Variants in MIGA1 observed in about 807,000 individuals in gnomAD.
MIGA1 encodes the protein mitoguardin 1.
In MIGA1, 58 loss-of-function variants were observed where a neutral mutation model predicts 82.0. The observed-to-expected ratio is 0.71, with a 90% CI of 0.57 to 0.88. The LOEUF (loss-of-function observed/expected upper bound fraction) is 0.88. Among genes scored for constraint, MIGA1 ranks in the 40% least tolerant of loss-of-function variants. The probability of loss-of-function intolerance (pLI) is 0.00; values close to 1 mark genes in which losing one functional copy is unlikely to be tolerated. For missense variants in MIGA1, 751 were observed against 749.1 expected, an observed-to-expected ratio of 1.00 and a Z score of -0.03; for synonymous variants, 249 against 253.6, an observed-to-expected ratio of 0.98 and a Z score of 0.17.
intron 8 of MIGA1, among the ~76,000 whole-genome samples, chr1:77,858,521 C>T (rs1331510459): frequency 6.6e-6 from 1 of 152,136 alleles, no homozygotes. Flanking sequence ...ATGGTTTAAT[C>T]AAATTTATTG....
At chr1:77,801,706 A>G (rs1480276081) in intron 3 of MIGA1, among the ~76,000 whole-genome samples, 198 bp downstream of exon 3, 1 of 152,234 alleles carries the variant, frequency 6.6e-6, no homozygotes, top group Admixed American at 6.5e-5. Flanking sequence ...TCTGGTACCC[A>G]GAAATAACTA....
At chr1:77,859,288 A>C in intron 9 of MIGA1, 26 bp from the exon 10 acceptor site, 1 of 1,571,506 alleles carries the variant, frequency 6.4e-7, no homozygotes, top group Non-Finnish European at 8.8e-7. Context: ...GTAGTTTAAC[A>C]ATTGTCTCCC....
intron 2 of MIGA1, among the ~76,000 whole-genome samples, chr1:77,799,427 A>C (rs1682786212): frequency 6.6e-6 from 1 of 152,182 alleles, no homozygotes; most frequent in African/African-American, 2.4e-5. Flanking sequence ...GGGTTTATTA[A>C]ATCAATTTCT....
At chr1:77,870,820 G>A (rs1168324949) in intron 14 of MIGA1, among the ~76,000 whole-genome samples, 3 of 151,042 alleles carry the variant, frequency 2.0e-5, no homozygotes, top group Non-Finnish European at 3.0e-5. Context: ...ACGAGACTCC[G>A]TCTGCAATCC....
intron 7 of MIGA1, among the ~76,000 whole-genome samples, chr1:77,824,388 C>T (rs1359976061): frequency 3.3e-5 from 5 of 151,998 alleles, no homozygotes; most frequent in African/African-American, 1.2e-4. Flanking sequence ...ATAGCGAGAT[C>T]CCCGTCTCTA....
rs766037427 is a variant in MIGA1, at chr1:77,877,158, C to T, written c.*2094C>T. The T allele has an allele frequency of 2.9e-4, 44 of 151,758 alleles. No homozygotes were observed. The highest frequency in any genetic ancestry group is 9.9e-4 in the African/African-American group (41 of 41,298). The allele number at this position is 151,758 out of a possible 1,614,324, so 9.4% of individuals were successfully genotyped here. On this transcript the variant is annotated 3_prime_UTR_variant, in exon 16 of 16. Coordinates refer to ENST00000370791, the MANE Select transcript of MIGA1 (RefSeq NM_198549.4). ...ACTCCTAAAATGCATTTTTAAAAAG[C>T]GAATTTTTAGATTAAAGTGCCTAGT...
At chr1:77,870,677 G>A (rs1255941460) in intron 14 of MIGA1, among the ~76,000 whole-genome samples, 4 of 150,564 alleles carry the variant, frequency 2.7e-5, no homozygotes, top group Admixed American at 6.6e-5. Flanking sequence ...CTTCCCAGAC[G>A]GGGTGGCGGC....
rs935969506 is a variant in MIGA1, at chr1:77,824,529, G to A, written c.895+9298G>A. Among the ~76,000 whole-genome samples the A allele has an allele frequency of 2.6e-5, 4 of 152,278 alleles. No homozygotes were observed. The South Asian group carries it at 8.3e-4, about 32-fold the overall frequency. ...GTTACGATTGGGCCATTGTACTTCA[G>A]CCTGAGAAACAGTGAGACTCAGTCT... is the stretch of plus-strand genomic sequence containing the variant. On this transcript the variant is annotated intron_variant, in intron 7 of 15. Transcript: ENST00000370791.
intron 8 of MIGA1, among the ~76,000 whole-genome samples, chr1:77,858,717 C>T (rs968021404): frequency 2.6e-5 from 4 of 152,178 alleles, no homozygotes; most frequent in African/African-American, 9.7e-5. Context: ...CTCCTGTGCT[C>T]AAGTGATCTT....
At chr1:77,844,097 T>C (rs1456083196) in intron 8 of MIGA1, among the ~76,000 whole-genome samples, 2 of 36,400 alleles carry the variant, frequency 5.5e-5, no homozygotes, top group African/African-American at 8.8e-5. Flanking sequence ...CAAGACCCTG[T>C]CTTAAAAAAA....
intron 2 of MIGA1, among the ~76,000 whole-genome samples, chr1:77,794,009 G>A (rs887795118): frequency 2.0e-5 from 3 of 149,744 alleles, no homozygotes; most frequent in East Asian, 4.0e-4. Context: ...GGCTGGTCTC[G>A]AACTCCTGAC....
chr1:77,803,812 T>C (rs1682983424), intron 4 of MIGA1, among the ~76,000 whole-genome samples: 1 of 151,996 alleles, frequency 6.6e-6, no homozygotes, highest in Non-Finnish European at 1.5e-5. Flanking sequence ...TAAAAAAATA[T>C]AGGCAGATAG....
At chr1:77,835,511 A>G (rs1032513434) in intron 7 of MIGA1, among the ~76,000 whole-genome samples, 1 of 152,220 alleles carries the variant, frequency 6.6e-6, no homozygotes, top group African/African-American at 2.4e-5. Flanking sequence ...TTTTAAATTT[A>G]ATGTACAATC....
chr1:77,863,123 C>T (rs1685533659), intron 12 of MIGA1, among the ~76,000 whole-genome samples: 1 of 152,206 alleles, frequency 6.6e-6, no homozygotes, highest in Non-Finnish European at 1.5e-5. Flanking sequence ...ACTCATCCTT[C>T]ACCTCTCCCT....
At chr1:77,853,159 A>T (rs974946527) in intron 8 of MIGA1, among the ~76,000 whole-genome samples, 2 of 152,224 alleles carry the variant, frequency 1.3e-5, no homozygotes, top group Admixed American at 1.3e-4. Flanking sequence ...AAAGCAAAAA[A>T]TGTCAAAAAC....
chr1:77,845,912 T>C (rs1231493390), intron 8 of MIGA1, among the ~76,000 whole-genome samples: 1 of 152,150 alleles, frequency 6.6e-6, no homozygotes, highest in African/African-American at 2.4e-5. Context: ...TGTATAAGCT[T>C]TGCCAAACAT....
At chr1:77,861,577 C>A in intron 12 of MIGA1, 1 of 394,988 alleles carries the variant, frequency 2.5e-6, no homozygotes, top group Non-Finnish European at 4.6e-6. Context: ...CCCTTGTTCC[C>A]TCTCTTCCTT....
intron 5 of MIGA1, among the ~76,000 whole-genome samples, chr1:77,809,902 T>C (rs1411776987): frequency 1.3e-5 from 2 of 150,708 alleles, no homozygotes; most frequent in Non-Finnish European, 1.5e-5. Context: ...TATCTACCTA[T>C]ATAAAAAAAA....
At chr1:77,859,473 C>G (rs891595743) in intron 10 of MIGA1, 87 bp downstream of exon 10, 1 of 879,504 alleles carries the variant, frequency 1.1e-6, no homozygotes, top group Non-Finnish European at 1.9e-6. Flanking sequence ...CAGGACAGCT[C>G]TGTGCTCTTG....
Sources: allele counts gnomAD v4.1 joint callset (sites outside exome capture counted in the v4.1 genomes callset), GRCh38; gene constraint gnomAD v4.1.1; transcripts MANE v1.5; gene names NCBI Gene and HGNC (gene_info 2026-07-23, HGNC 2026-07-21).